ADAMTSL1: variants seen among roughly 807,000 people sequenced by gnomAD.
The protein encoded by ADAMTSL1 is ADAMTS-like protein 1.
A neutral mutation model predicts 201.8 loss-of-function variants in ADAMTSL1; 126 were observed. The observed-to-expected ratio is 0.62, with a 90% confidence interval of 0.54 to 0.72. ADAMTSL1 has a LOEUF of 0.72. Among genes scored for constraint, ADAMTSL1 ranks in the 30% least tolerant of loss-of-function variants. The pLI, the probability that ADAMTSL1 is intolerant of heterozygous loss-of-function variation, is 0.00. For missense variants in ADAMTSL1, 2,679 were observed against 2,277.8 expected (o/e 1.18, Z -3.59); for synonymous variants, 1,121 against 903.4 (o/e 1.24, Z -4.32).
At chr9:18,838,360 T>TAC (rs775337751) in intron 23 of ADAMTSL1, among the ~76,000 whole-genome samples, 1,703 of 86,726 alleles carry the variant, frequency 0.02, 21 homozygotes, top group Admixed American at 0.053. Context: ...CAAACCATAT[T>TAC]ACACACACAC....
intron 7 of ADAMTSL1, among the ~76,000 whole-genome samples, chr9:18,644,285 A>AT (rs1178366448): frequency 9.2e-5 from 14 of 152,008 alleles, no homozygotes; most frequent in Admixed American, 8.5e-4. Context: ...GATGCATTAT[A>AT]TATTAATTTA....
chr9:18,485,418 T>A (rs1342200418), intron 1 of ADAMTSL1, among the ~76,000 whole-genome samples: 1 of 152,230 alleles, frequency 6.6e-6, no homozygotes, highest in African/African-American at 2.4e-5. Flanking sequence ...CCAGTCACTT[T>A]CCTTGAAACA....
intron 14 of ADAMTSL1, among the ~76,000 whole-genome samples, chr9:18,719,908 A>G (rs903245758): frequency 8.5e-5 from 13 of 152,214 alleles, no homozygotes; most frequent in African/African-American, 2.7e-4. Flanking sequence ...CTGATGAAGC[A>G]ATGCAGAAAA....
chr9:18,699,626 G>A (rs555940400), intron 13 of ADAMTSL1, among the ~76,000 whole-genome samples: 2 of 152,134 alleles, frequency 1.3e-5, no homozygotes, highest in South Asian at 4.1e-4. Flanking sequence ...CATAGTGCCT[G>A]GCCACTTTAA....
chr9:18,547,094 G>A (rs1820513390), intron 3 of ADAMTSL1, among the ~76,000 whole-genome samples: 1 of 152,056 alleles, frequency 6.6e-6, no homozygotes, highest in Admixed American at 6.6e-5. Context: ...ATTTACTATA[G>A]CAGATCGTTT....
chr9:18,639,103 A>T, intron 6 of ADAMTSL1, 151 bp from the exon 7 acceptor site: 1 of 681,378 alleles, frequency 1.5e-6, no homozygotes, highest in South Asian at 1.9e-5. Flanking sequence ...GTGCCTGTAT[A>T]GTTTGTTGAT....
chr9:18,706,526 G>C (rs1832241974), intron 13 of ADAMTSL1: 2 of 516,164 alleles, frequency 3.9e-6, no homozygotes, highest in Non-Finnish European at 6.9e-6. Flanking sequence ...TCTTGCAGCT[G>C]GGAGTTCATG....
At chr9:18,405,948 A>AAGTT (rs1172193967) in intron 2 of ADAMTSL1, among the ~76,000 whole-genome samples, 1 of 152,216 alleles carries the variant, frequency 6.6e-6, no homozygotes, top group African/African-American at 2.4e-5. Context: ...ACCTATAGAT[A>AAGTT]AGTTACCCAC....
At position 18,452,263 on chromosome 9, in the gene ADAMTSL1, T is replaced by C. The variant is rs568618308; in HGVS notation, c.208-52566T>C. The stretch of plus-strand genomic sequence containing the variant: ...ACTCTCAAGATAATGAGCCCACTTT[T>C]ATAATAATAATGTAATCCATTCACA... On this transcript the variant is annotated intron_variant, in intron 2 of 29. Transcript: ENST00000680146. Among the ~76,000 whole-genome samples the C allele has an allele frequency of 3.3e-5, 5 of 152,300 alleles. No individual in the cohort carries two copies. The South Asian group carries it at 1.0e-3, about 32-fold the overall frequency.
chr9:18,165,804 C>T (rs1291506712), intron 2 of ADAMTSL1, among the ~76,000 whole-genome samples: 1 of 151,916 alleles, frequency 6.6e-6, no homozygotes, highest in Non-Finnish European at 1.5e-5. Context: ...ATTTGGCCCA[C>T]AGATAGAAAA....
intron 7 of ADAMTSL1, among the ~76,000 whole-genome samples, chr9:18,648,426 C>A (rs1009240971): frequency 6.6e-6 from 1 of 152,104 alleles, no homozygotes; most frequent in Admixed American, 6.6e-5. Flanking sequence ...TTGATCCTGT[C>A]ATTATGATGT....
At position 18,574,140 on chromosome 9, in the gene ADAMTSL1, C is replaced by T. The variant is rs766964196; in HGVS notation, c.348C>T (p.Asp116=). The change falls in exon 4 of 29, where the codon GAC becomes GAT. Residue 116 remains aspartate (D), a synonymous_variant. Transcript: ENST00000380548. ...GGCTTCCTGTGTCTAATGACCCTGACAACCCATGTTCACTCAAGTGCCAAG... is the reference window on the plus strand; with the variant it reads ...GGCTTCCTGTGTCTAATGACCCTGATAACCCATGTTCACTCAAGTGCCAAG... ...YEWLPVSNDP[D]NPCSLKCQAK... The T allele has an allele frequency of 6.2e-7, 1 of 1,614,158 alleles. No homozygotes were observed. Among genetic ancestry groups the T allele is most frequent in the Admixed American group, 1.7e-5 (1 of 60,018 alleles).
chr9:18,197,729 G>A (rs1220348803), intron 2 of ADAMTSL1, among the ~76,000 whole-genome samples: 1 of 151,566 alleles, frequency 6.6e-6, no homozygotes, highest in East Asian at 1.9e-4. Context: ...GAATAGGAGT[G>A]GTGAGAGAGG....
intron 1 of ADAMTSL1, among the ~76,000 whole-genome samples, chr9:18,126,868 A>T (rs1018974802): frequency 6.6e-6 from 1 of 152,220 alleles, no homozygotes; most frequent in African/African-American, 2.4e-5. Flanking sequence ...ATTGCAACAA[A>T]TAGTTGCAGT....
intron 2 of ADAMTSL1, among the ~76,000 whole-genome samples, chr9:18,313,276 T>A (rs1834226613): frequency 6.6e-6 from 1 of 152,210 alleles, no homozygotes. Context: ...TGACTTACCG[T>A]AAAAAGAATT....
intron 2 of ADAMTSL1, among the ~76,000 whole-genome samples, chr9:18,237,673 TTAAG>T (rs754702432): frequency 4.6e-5 from 7 of 152,246 alleles, no homozygotes; most frequent in Non-Finnish European, 8.8e-5. Flanking sequence ...TTAGAAAAAC[TTAAG>T]TAGTCAACTG....
intron 7 of ADAMTSL1, among the ~76,000 whole-genome samples, chr9:18,644,139 C>T (rs564414133): frequency 1.3e-4 from 19 of 151,714 alleles, no homozygotes; most frequent in African/African-American, 4.3e-4. Flanking sequence ...AGGTATTATA[C>T]CTGGGATTGT....
intron 2 of ADAMTSL1, among the ~76,000 whole-genome samples, chr9:18,411,273 T>G (rs1030137124): frequency 1.6e-4 from 25 of 151,936 alleles, no homozygotes; most frequent in African/African-American, 6.0e-4. Context: ...CTCGACTCAC[T>G]GCAGCATTCA....
At chr9:18,406,334 C>CTTTTCTTTTCTTTTCTT (rs767889998) in intron 2 of ADAMTSL1, among the ~76,000 whole-genome samples, 1 of 126,740 alleles carries the variant, frequency 7.9e-6, no homozygotes, top group Non-Finnish European at 1.6e-5. Context: ...CTTTTCTTTT[C>CTTTTCTTTTCTTTTCTT]TTTTCTTTTT....
Sources: allele counts gnomAD v4.1 joint callset (sites outside exome capture counted in the v4.1 genomes callset), GRCh38; gene constraint gnomAD v4.1.1; transcripts MANE v1.5; gene names NCBI Gene and HGNC (gene_info 2026-07-23, HGNC 2026-07-21).